TENT2: variants seen among roughly 807,000 people sequenced by gnomAD.
TENT2 encodes the protein poly(A) RNA polymerase GLD2.
A neutral mutation model predicts 72.2 loss-of-function variants in TENT2; 44 were observed. The ratio of observed to expected loss-of-function variants is 0.61; its 90% confidence interval spans 0.48 to 0.78. TENT2 has a LOEUF of 0.78. Ranked by LOEUF, TENT2 falls within the 30% of genes least tolerant of loss-of-function variation. The probability of loss-of-function intolerance (pLI) is 0.00; values close to 1 mark genes in which losing one functional copy is unlikely to be tolerated. For missense variants in TENT2, 541 were observed against 569.6 expected (o/e 0.95, Z 0.51); for synonymous variants, 212 against 192.5 (o/e 1.10, Z -0.84).
chr5:79,678,281 A>G (rs62365240), intron 12 of TENT2, among the ~76,000 whole-genome samples: 30,879 of 152,092 alleles, frequency 0.2, 4,628 homozygotes, highest in African/African-American at 0.42. Context: ...TCAAATTTCT[A>G]TAAACAAATG....
chr5:79,616,980 A>G (rs1321175409), intron 1 of TENT2, among the ~76,000 whole-genome samples: 1 of 152,138 alleles, frequency 6.6e-6, no homozygotes, highest in Non-Finnish European at 1.5e-5. Context: ...AATGTTTGTG[A>G]GGGATTTATT....
At position 79,619,974 on chromosome 5, in the gene TENT2, C is replaced by G. The variant is rs1431655233; in HGVS notation, c.138-20C>G. The G allele has an allele frequency of 6.4e-7, 1 of 1,559,556 alleles. No homozygotes were observed. Reference sequence around the variant, plus strand: ...GAAAAAATATGTATAAATTACTGTTCTTTTCTTTGATTTTGTTAGCTTGTC... The same window carrying G: ...GAAAAAATATGTATAAATTACTGTTGTTTTCTTTGATTTTGTTAGCTTGTC... On this transcript the variant is annotated intron_variant, in intron 2 of 14. Coordinates refer to ENST00000453514, the MANE Select transcript of TENT2 (RefSeq NM_001114394.3).
At chr5:79,671,597 T>C (rs1193769889) in intron 12 of TENT2, among the ~76,000 whole-genome samples, 1 of 151,850 alleles carries the variant, frequency 6.6e-6, no homozygotes, top group Admixed American at 6.6e-5. Context: ...TTAGTAGAGA[T>C]GGGGTTTCAC....
chr5:79,670,017 C>G (rs578116508), intron 12 of TENT2, among the ~76,000 whole-genome samples: 1 of 151,590 alleles, frequency 6.6e-6, no homozygotes, highest in Non-Finnish European at 1.5e-5. Flanking sequence ...GTCGCGAGTT[C>G]GAGACCAGCC....
chr5:79,635,803 A>G (rs542009795), intron 4 of TENT2, among the ~76,000 whole-genome samples: 164 of 152,250 alleles, frequency 1.1e-3, no homozygotes, highest in African/African-American at 3.8e-3. Context: ...CAGTCCGCCC[A>G]CCTTGGCCTC....
At chr5:79,615,401 A>G (rs1227485308) in intron 1 of TENT2, among the ~76,000 whole-genome samples, 3 of 152,226 alleles carry the variant, frequency 2.0e-5, no homozygotes, top group Admixed American at 6.5e-5. Context: ...GCTTTTTGCT[A>G]TGAACCGATT....
chr5:79,675,114 A>AC (rs1409203308), intron 12 of TENT2, among the ~76,000 whole-genome samples: 2 of 152,196 alleles, frequency 1.3e-5, no homozygotes, highest in Non-Finnish European at 2.9e-5. Flanking sequence ...TTAGAGTGTT[A>AC]AGTGGAGTCC....
At chr5:79,646,066 A>G (rs1458011359) in intron 8 of TENT2, among the ~76,000 whole-genome samples, 1 of 152,158 alleles carries the variant, frequency 6.6e-6, no homozygotes, top group Non-Finnish European at 1.5e-5. Context: ...GTTCAGCTTC[A>G]TACTGTAAAC....
At chr5:79,684,206 T>C (rs1824747634) in intron 14 of TENT2, among the ~76,000 whole-genome samples, 1 of 152,180 alleles carries the variant, frequency 6.6e-6, no homozygotes, top group South Asian at 2.1e-4. Flanking sequence ...TTCTTCTCCT[T>C]ATCAATTCAA....
At chr5:79,664,377 A>C (rs1805531168) in intron 11 of TENT2, among the ~76,000 whole-genome samples, 1 of 152,152 alleles carries the variant, frequency 6.6e-6, no homozygotes, top group Non-Finnish European at 1.5e-5. Context: ...CGGGTGGATC[A>C]CAAGGTAATG....
At chr5:79,617,816 T>G (rs62364128) in intron 1 of TENT2, among the ~76,000 whole-genome samples, 30,918 of 152,184 alleles carry the variant, frequency 0.2, 4,642 homozygotes, top group African/African-American at 0.42. Flanking sequence ...AAAGCCATTT[T>G]GATTTCTTGC....
At position 79,648,619 on chromosome 5, in the gene TENT2, G is replaced by T; in HGVS notation, c.824G>T (p.Cys275Phe). Residue 275 changes from cysteine (C) to phenylalanine (F), a missense_variant and splice_region_variant, in exon 9 of 15, where the codon TGT (cysteine) becomes TTT (phenylalanine). By Grantham distance (205) the Cys-to-Phe change is radical. Coordinates refer to ENST00000453514, the MANE Select transcript of TENT2 (RefSeq NM_001114394.3). ...PIVKFRDKVS[C>F]VEFDLNVNNI... ...TTTATTTATTTTTTCTTAAATAGTT[G>T]TGTGGAGTTTGACTTGAATGTAAAC... The T allele has an allele frequency of 6.4e-7, 1 of 1,566,812 alleles. No individual in the cohort carries two copies.
chr5:79,628,427 T>C (rs1772238114), intron 4 of TENT2, among the ~76,000 whole-genome samples: 1 of 152,214 alleles, frequency 6.6e-6, no homozygotes, highest in South Asian at 2.1e-4. Context: ...GGTGATCATC[T>C]TGAAGGCTGT....
chr5:79,671,305 T>G (rs1812781348), intron 12 of TENT2, among the ~76,000 whole-genome samples: 1 of 152,176 alleles, frequency 6.6e-6, no homozygotes, highest in Admixed American at 6.5e-5. Context: ...GTCATGGTAA[T>G]AAACTAGAAG....
chr5:79,627,495 C>T (rs116683487), intron 4 of TENT2, among the ~76,000 whole-genome samples: 2,773 of 151,424 alleles, frequency 0.018, 95 homozygotes, highest in African/African-American at 0.062. Flanking sequence ...TCTTTTTTTT[C>T]GTTTTTTGAG....
chr5:79,614,597 A>C (rs1758050398), intron 1 of TENT2, among the ~76,000 whole-genome samples: 1 of 152,238 alleles, frequency 6.6e-6, no homozygotes, highest in African/African-American at 2.4e-5. Context: ...TCTGGATTTT[A>C]TGTATCTATC....
chr5:79,637,774 G>A (rs1781259178), intron 4 of TENT2, among the ~76,000 whole-genome samples: 2 of 150,820 alleles, frequency 1.3e-5, no homozygotes, highest in Admixed American at 1.3e-4. Flanking sequence ...CTAGCTTTGT[G>A]GCTCTAGGAC....
chr5:79,640,115 GT>G (rs1373523289), intron 4 of TENT2, among the ~76,000 whole-genome samples: 1 of 152,158 alleles, frequency 6.6e-6, no homozygotes, highest in Non-Finnish European at 1.5e-5. Context: ...AATTAGCTGG[GT>G]GTGGTGGCAC....
intron 7 of TENT2, 89 bp downstream of exon 7, chr5:79,642,999 A>G (rs1785640652): frequency 2.0e-6 from 3 of 1,511,956 alleles, no homozygotes; most frequent in Admixed American, 4.4e-5. Flanking sequence ...AGAACTGTTT[A>G]TTCTGGTCAG....
Sources: gnomAD v4.1 joint callset for allele counts (sites outside exome capture counted in the v4.1 genomes callset) on GRCh38, gnomAD v4.1.1 for gene constraint, MANE v1.5 for transcripts, NCBI Gene and HGNC (gene_info 2026-07-23, HGNC 2026-07-21) for gene names.